The following DCT variants were observed in gnomAD, a reference collection of about 807,000 sequenced individuals.
DCT encodes dopachrome tautomerase.
DCT carries 47 observed loss-of-function variants against 53.0 expected under a neutral mutation model. The observed-to-expected ratio is 0.89, with a 90% CI of 0.70 to 1.13. The LOEUF (loss-of-function observed/expected upper bound fraction) is 1.13. DCT is among the 50% of genes most tolerant of loss of function. DCT has a pLI of 0.00. For synonymous variants in DCT, 244 were observed against 237.0 expected (o/e 1.03, Z -0.27); for missense variants, 669 against 637.4 (o/e 1.05, Z -0.53).
chr13:94,450,266 G>A (rs1460822323), intron 6 of DCT, among the ~76,000 whole-genome samples: 1 of 151,996 alleles, frequency 6.6e-6, no homozygotes, highest in African/African-American at 2.4e-5. Flanking sequence ...CCCAGTCTCT[G>A]GTATTTTTGT....
At chr13:94,519,453 T>G in the DCT span, among the ~76,000 whole-genome samples, 1 of 152,194 alleles carries the variant, frequency 6.6e-6, no homozygotes, top group Non-Finnish European at 1.5e-5. Flanking sequence ...GGATACTTGT[T>G]CAAATCTCAT....
the DCT span, among the ~76,000 whole-genome samples, chr13:94,490,691 A>G: frequency 7.4e-6 from 1 of 134,760 alleles, no homozygotes; most frequent in Non-Finnish European, 1.7e-5. Context: ...TTCATAATAG[A>G]AAAGATATAT....
rs968888631 is a variant in DCT at position 94,460,030 on chromosome 13, A to G, written c.1179+61T>C. 7.5e-5 allele frequency: 114 copies of G among 1,520,642 alleles called. No individual in the cohort carries two copies. In the African/African-American group the frequency reaches 1.5e-3, roughly 19 times the overall value. The allele number at this position is 1,520,642 out of a possible 1,614,324, so 94.2% of individuals were successfully genotyped here. On this transcript the variant is annotated intron_variant, in intron 6 of 7. Transcript: ENST00000377028. Reference sequence around the variant, plus strand: ...AACACCATCAAACATTAATTGTATGAAAAAATAAATCTGACATATTATCTA... The same window carrying G: ...AACACCATCAAACATTAATTGTATGGAAAAATAAATCTGACATATTATCTA...
chr13:94,470,938 A>G (rs1344346424), intron 1 of DCT, among the ~76,000 whole-genome samples: 1 of 152,236 alleles, frequency 6.6e-6, no homozygotes, highest in African/African-American at 2.4e-5. Flanking sequence ...GTTCAAAACA[A>G]ATGTGTGTTG....
chr13:94,531,664 G>T, the DCT span, among the ~76,000 whole-genome samples: 1 of 152,186 alleles, frequency 6.6e-6, no homozygotes, highest in African/African-American at 2.4e-5. Flanking sequence ...AGATTTAAAT[G>T]TAAGACCTAA....
chr13:94,456,065 A>T (rs1883395741), intron 6 of DCT, among the ~76,000 whole-genome samples: 1 of 152,260 alleles, frequency 6.6e-6, no homozygotes, highest in Non-Finnish European at 1.5e-5. Context: ...TGAACTATCA[A>T]GTTAAAATCA....
the DCT span, among the ~76,000 whole-genome samples, chr13:94,531,731 G>C: frequency 6.6e-6 from 1 of 152,134 alleles, no homozygotes; most frequent in Non-Finnish European, 1.5e-5. Flanking sequence ...ATAGGCATGG[G>C]CAAAGACTTC....
the DCT span, among the ~76,000 whole-genome samples, chr13:94,491,371 T>G: frequency 6.6e-6 from 1 of 152,140 alleles, no homozygotes; most frequent in Admixed American, 6.6e-5. Flanking sequence ...GGGCCTGAAT[T>G]TCCCCTTTTA....
In DCT at chr13:94,462,082, T is replaced by C. The variant is rs1883839876; in HGVS notation, c.971A>G (p.Asp324Gly). ...CTGGAGAGACAGGCAATCTCGTATG[T>C]CTTTTAAGGTTGGCAATTTCATGCT... is the stretch of plus-strand genomic sequence containing the variant. Reference protein sequence around the residue: ...RNSMKLPTLKDIRDCLSLQKF... With the variant: ...RNSMKLPTLKGIRDCLSLQKF... Residue 324 changes from aspartate to glycine, a missense_variant, in exon 5 of 8, where the codon GAC becomes GGC. Asp to Gly is a moderately conservative substitution (Grantham distance 94, BLOSUM62 -1). Coordinates refer to ENST00000377028, the MANE Select transcript of DCT (RefSeq NM_001922.5). 3 of 1,612,856 alleles carry C rather than the reference T, an allele frequency of 1.9e-6. No individual in the cohort carries two copies. The highest frequency in any genetic ancestry group is 1.3e-5 in the African/African-American group (1 of 74,666).
the DCT span, among the ~76,000 whole-genome samples, chr13:94,509,042 T>C: frequency 6.6e-6 from 1 of 151,506 alleles, no homozygotes; most frequent in African/African-American, 2.4e-5. Flanking sequence ...CTGAGAGAGG[T>C]CAGTTTCCAA....
Position 94,439,776 on chromosome 13 carries a change from T to A in DCT, c.*122A>T. 1 of 747,322 alleles carries A rather than the reference T, an allele frequency of 1.3e-6. No individual in the cohort carries two copies. Among genetic ancestry groups the A allele is most frequent in the South Asian group, 2.2e-5 (1 of 45,382 alleles). 46.3% of individuals were successfully genotyped at this position (747,322 alleles called of 1,614,324 possible). ...ATCTTCTGAATGAGATCATCATCAC[T>A]ATAGAAGAACCTATGTCAAAGATCT... On this transcript the variant is annotated 3_prime_UTR_variant, in exon 8 of 8. Transcript: ENST00000377028.
At chr13:94,515,622 G>A in the DCT span, among the ~76,000 whole-genome samples, 1 of 152,132 alleles carries the variant, frequency 6.6e-6, no homozygotes, top group Admixed American at 6.5e-5. Context: ...CCTCAAGAAG[G>A]GCTTGGAGTG....
At chr13:94,510,938 C>T in the DCT span, among the ~76,000 whole-genome samples, 2 of 152,194 alleles carry the variant, frequency 1.3e-5, no homozygotes, top group African/African-American at 2.4e-5. Context: ...CCACCTCCTG[C>T]ACATTCTACT....
the DCT span, among the ~76,000 whole-genome samples, chr13:94,502,577 A>G: frequency 6.6e-6 from 1 of 151,980 alleles, no homozygotes; most frequent in South Asian, 2.1e-4. Context: ...TTGTGATTAC[A>G]CCCAGCAGGC....
chr13:94,443,847 G>A (rs1157803493), intron 6 of DCT, among the ~76,000 whole-genome samples: 2 of 152,034 alleles, frequency 1.3e-5, no homozygotes, highest in South Asian at 2.1e-4. Context: ...TCAAGATTTC[G>A]GGAAGAAAAA....
chr13:94,474,136 G>A (rs1290338357), intron 1 of DCT, among the ~76,000 whole-genome samples: 2 of 152,116 alleles, frequency 1.3e-5, no homozygotes, highest in African/African-American at 4.8e-5. Flanking sequence ...CTGGGAAATG[G>A]AGAGAGGAAA....
In DCT at chr13:94,440,042, A is replaced by C; in HGVS notation, c.1416T>G (p.Thr472=). ...CCAGTGTTCCCATGACTACTAAGAG[A>C]GTTGTGGGCCAACCTGGAGTTTCTT... The part of the protein sequence containing the change: ...SVEETPGWPT[T]LLVVMGTLVA... The change falls in exon 8 of 8, where the codon ACT becomes ACG. Residue 472 remains threonine (T), a synonymous_variant. Transcript: ENST00000377028. 2 of 1,614,070 alleles carry C rather than the reference A, an allele frequency of 1.2e-6. No homozygotes were observed. The highest frequency in any genetic ancestry group is 8.5e-7 in the Non-Finnish European group (1 of 1,179,938).
At position 94,462,157 on chromosome 13, in the gene DCT, C is replaced by A. The variant is rs956502652; in HGVS notation, c.896G>T (p.Cys299Phe). 1 of 1,613,340 alleles carries A rather than the reference C, an allele frequency of 6.2e-7. No individual in the cohort carries two copies. Among genetic ancestry groups the A allele is most frequent in the Admixed American group, 1.7e-5 (1 of 59,950 alleles). Residue 299 changes from cysteine to phenylalanine, a missense_variant, in exon 5 of 8, where the codon TGC becomes TTC. By Grantham distance (205) the Cys-to-Phe change is radical. Transcript: ENST00000377028. ...LDDYNHLVTL[C>F]NGTYEGLLRR... is the part of the protein sequence containing the mutation. ...CAGCAAACCTTCATAGGTTCCATTG[C>A]ACAAGGTGACCAGGTGGTTGTAGTC...
rs761688508 is a variant in DCT at position 94,440,676 on chromosome 13, G to GTTTTT, written c.1382-605_1382-601dup. 3.4e-3 allele frequency among the ~76,000 whole-genome samples: 336 copies of GTTTTT among 97,968 alleles called. 4 individuals carry two copies. The highest frequency in any genetic ancestry group is 1.0e-2 in the African/African-American group (242 of 24,294). 64.3% of individuals were successfully genotyped at this position (97,968 alleles called of 152,430 possible). ...CAAAATTAGTGGATTTCATTTTTTG[G>GTTTTT]TTTTTTTTTTTTTTTTTTTTTTTAG... On this transcript the variant is annotated intron_variant, in intron 7 of 7. Transcript: ENST00000377028.
Sources: gnomAD v4.1 joint callset for allele counts (sites outside exome capture counted in the v4.1 genomes callset) on GRCh38, gnomAD v4.1.1 for gene constraint, MANE v1.5 for transcripts, NCBI Gene and HGNC (gene_info 2026-07-23, HGNC 2026-07-21) for gene names.